The following WDR75 variants were observed in gnomAD, a reference collection of about 807,000 sequenced individuals.
WDR75 encodes WD repeat-containing protein 75.
In WDR75, 52 loss-of-function variants were observed where a neutral mutation model predicts 106.1. That is an observed-to-expected ratio of 0.49 (90% CI 0.39 to 0.62). The LOEUF is 0.62. WDR75 is among the 20% of genes least tolerant of loss of function. WDR75 has a pLI of 0.00. For missense variants in WDR75, 905 were observed against 970.3 expected (o/e 0.93, Z 0.89); for synonymous variants, 333 against 335.5 (o/e 0.99, Z 0.08).
At chr2:189,441,727 G>A in intron 1 of WDR75, 149 bp downstream of exon 1, 3 of 862,394 alleles carry the variant, frequency 3.5e-6, no homozygotes, top group Admixed American at 2.3e-5. Context: ...GATCCCCAGG[G>A]TACCTGGGAG....
intron 2 of WDR75, 70 bp downstream of exon 2, chr2:189,448,578 T>G: frequency 6.4e-7 from 1 of 1,566,484 alleles, no homozygotes; most frequent in African/African-American, 1.4e-5. Context: ...TGAGTTGAAT[T>G]TGACTGAGAA....
chr2:189,465,673 C>T (rs543471725), intron 12 of WDR75, among the ~76,000 whole-genome samples: 2 of 152,232 alleles, frequency 1.3e-5, no homozygotes, highest in East Asian at 1.9e-4. Flanking sequence ...GCTATAATAA[C>T]CACTTAACAG....
Position 189,474,167 on chromosome 2 carries a change from T to A in WDR75, c.2050-19T>A, listed in dbSNP as rs113279514. The stretch of plus-strand genomic sequence containing the variant: ...TCCTTTTTTCTGAAATAATTTCTCT[T>A]TGTCTTAAATCCTTAAAGCTGCTAG... On this transcript the variant is annotated intron_variant, in intron 18 of 20. Coordinates refer to ENST00000314761, the MANE Select transcript of WDR75 (RefSeq NM_032168.3). 12,266 of 1,594,732 alleles carry A rather than the reference T, an allele frequency of 7.7e-3. 76 individuals are homozygous for A. Among genetic ancestry groups the A allele is most frequent in the Non-Finnish European group, 9.1e-3 (10,674 of 1,173,882 alleles).
chr2:189,457,229 G>C (rs1363354768), intron 5 of WDR75, 82 bp from the exon 6 acceptor site: 10 of 945,642 alleles, frequency 1.1e-5, no homozygotes, highest in Non-Finnish European at 1.5e-5. Context: ...GGACAAGAGC[G>C]AGACTTTGTC....
intron 10 of WDR75, 45 bp downstream of exon 10, chr2:189,463,798 A>G: frequency 1.2e-6 from 2 of 1,613,452 alleles, no homozygotes; most frequent in Non-Finnish European, 1.7e-6. Flanking sequence ...CATTTTAAAG[A>G]GTGCATATTT....
intron 17 of WDR75, 58 bp downstream of exon 17, chr2:189,470,303 C>T (rs1456664934): frequency 1.3e-6 from 2 of 1,518,048 alleles, no homozygotes; most frequent in African/African-American, 1.4e-5. Context: ...AGACTAATAG[C>T]CCATGACTAT....
intron 9 of WDR75, among the ~76,000 whole-genome samples, 164 bp from the exon 10 acceptor site, chr2:189,463,530 T>C (rs1384215225): frequency 6.6e-6 from 1 of 152,022 alleles, no homozygotes; most frequent in African/African-American, 2.4e-5. Flanking sequence ...TAAAATATAC[T>C]AACACTAATG....
At chr2:189,451,964 T>G in intron 4 of WDR75, 69 bp downstream of exon 4, 1 of 1,338,618 alleles carries the variant, frequency 7.5e-7, no homozygotes, top group South Asian at 1.3e-5. Flanking sequence ...CCTCAAAATT[T>G]AACATTTTGG....
Position 189,441,534 on chromosome 2 carries a change from C to A in WDR75, c.42C>A (p.Gly14=), listed in dbSNP as rs1403399354. Residue 14 remains glycine, a synonymous_variant, in exon 1 of 21, where the codon GGC becomes GGA. Transcript: ENST00000314761. ...EENIRVVRCG[G]SELNFRRAVF... ...ACATCCGCGTGGTTCGTTGTGGCGGCAGCGAGTTGAACTTTAGGAGAGCTG... is the reference window on the plus strand; with the variant it reads ...ACATCCGCGTGGTTCGTTGTGGCGGAAGCGAGTTGAACTTTAGGAGAGCTG... The A allele has an allele frequency of 2.6e-6, 4 of 1,564,868 alleles. No homozygotes were observed. The South Asian group carries it at 3.5e-5, about 14-fold the overall frequency.
At chr2:189,444,786 C>T (rs1028661896) in intron 1 of WDR75, among the ~76,000 whole-genome samples, 2 of 152,088 alleles carry the variant, frequency 1.3e-5, no homozygotes, top group South Asian at 2.1e-4. Flanking sequence ...CTCTTCCTAC[C>T]CAACTGTTTC....
At chr2:189,451,146 G>A (rs10202907) in intron 3 of WDR75, among the ~76,000 whole-genome samples, 178 bp downstream of exon 3, 2 of 152,060 alleles carry the variant, frequency 1.3e-5, no homozygotes, top group South Asian at 4.2e-4. Flanking sequence ...AAAAGACAAG[G>A]TAAAGCTGGA....
At position 189,463,900 on chromosome 2, in the gene WDR75, T is replaced by G; in HGVS notation, c.1052T>G (p.Leu351Trp). Residue 351 changes from leucine (L) to tryptophan (W), a missense_variant, in exon 11 of 21, where the codon TTG becomes TGG. By Grantham distance (61) the Leu-to-Trp change is moderately conservative. Transcript: ENST00000314761. ...MIDPRTKALV[L>W]NGKPGHLQFY... ...GATCCAAGAACTAAAGCTTTGGTTT[T>G]GAATGGAAAACCTGGCCACCTGCAG... The G allele has an allele frequency of 3.7e-6, 6 of 1,613,964 alleles. No individual in the cohort carries two copies. Among genetic ancestry groups the G allele is most frequent in the Non-Finnish European group, 4.2e-6 (5 of 1,179,862 alleles).
intron 3 of WDR75, among the ~76,000 whole-genome samples, chr2:189,451,504 G>A (rs959817681): frequency 3.9e-5 from 6 of 152,078 alleles, no homozygotes; most frequent in Admixed American, 6.6e-5. Context: ...GTCTCACCTC[G>A]GAATAATGGC....
intron 9 of WDR75, among the ~76,000 whole-genome samples, chr2:189,463,014 A>G (rs567546471): frequency 6.6e-6 from 1 of 152,282 alleles, no homozygotes; most frequent in South Asian, 2.1e-4. Flanking sequence ...CTCTTTTGAT[A>G]CAGCTGTTAC....
intron 2 of WDR75, chr2:189,450,408 G>C (rs957152933): frequency 3.2e-6 from 3 of 949,636 alleles, no homozygotes; most frequent in Non-Finnish European, 2.5e-6. Context: ...TCCCAGGCTG[G>C]AGTACAGCGA....
intron 4 of WDR75, among the ~76,000 whole-genome samples, chr2:189,454,298 A>AT (rs1686687994): frequency 6.6e-6 from 1 of 152,108 alleles, no homozygotes; most frequent in Admixed American, 6.6e-5. Flanking sequence ...TTAAGGAGAT[A>AT]TTTTTTAAAG....
At chr2:189,467,385 G>C (rs1185424996) in intron 13 of WDR75, 83 bp from the exon 14 acceptor site, 17 of 1,424,420 alleles carry the variant, frequency 1.2e-5, no homozygotes, top group Non-Finnish European at 1.6e-5. Flanking sequence ...TGAACCCTCA[G>C]ATAATGGGAA....
At position 189,463,924 on chromosome 2, in the gene WDR75, A is replaced by T. The variant is rs1686949845; in HGVS notation, c.1076A>T (p.Gln359Leu). ...LVLNGKPGHL[Q>L]FYSLQSDKQL... ...TTGAATGGAAAACCTGGCCACCTGC[A>T]GTTTTATTCTCTCCAGAGTGATAAA... Residue 359 changes from glutamine to leucine, a missense_variant, in exon 11 of 21, where the codon CAG (glutamine) becomes CTG (leucine). By Grantham distance (113) the Gln-to-Leu change is moderately radical. Coordinates refer to ENST00000314761, the MANE Select transcript of WDR75 (RefSeq NM_032168.3). The T allele has an allele frequency of 6.2e-7, 1 of 1,613,810 alleles. No homozygotes were observed. Among genetic ancestry groups the T allele is most frequent in the African/African-American group, 1.3e-5 (1 of 74,916 alleles).
At position 189,467,484 on chromosome 2, in the gene WDR75, G is replaced by A. The variant is rs1231685891; in HGVS notation, c.1464G>A (p.Trp488Ter). Residue 488 changes from tryptophan (W) to a stop codon, truncating the protein, a stop_gained, in exon 14 of 21, where the codon TGG (tryptophan) becomes TGA (stop). Transcript: ENST00000314761. LOFTEE classifies it high-confidence loss of function. ...DSDIYKKAVGWTCDFVGSYHK... is the reference protein window; with the variant it reads ...DSDIYKKAVG The stretch of plus-strand genomic sequence containing the variant: ...TTTCCACAGAAAAAGCTGTTGGCTG[G>A]ACCTGTGACTTTGTTGGTAGTTATC... The A allele has an allele frequency of 6.3e-7, 1 of 1,599,408 alleles. No individual in the cohort carries two copies. Among genetic ancestry groups the A allele is most frequent in the South Asian group, 1.1e-5 (1 of 87,862 alleles).
Sources: allele counts gnomAD v4.1 joint callset (sites outside exome capture counted in the v4.1 genomes callset), GRCh38; gene constraint gnomAD v4.1.1; transcripts MANE v1.5; gene names NCBI Gene and HGNC (gene_info 2026-07-23, HGNC 2026-07-21).